AGBL4: variants seen among roughly 807,000 people sequenced by gnomAD.
AGBL4 encodes the protein AGBL carboxypeptidase 4.
A neutral mutation model predicts 66.4 loss-of-function variants in AGBL4; 58 were observed. That is an observed-to-expected ratio of 0.87 (90% CI 0.71 to 1.09). The LOEUF (loss-of-function observed/expected upper bound fraction) is 1.09. AGBL4 is among the 50% of genes least tolerant of loss of function. The probability of loss-of-function intolerance (pLI) is 0.00; values close to 1 mark genes in which losing one functional copy is unlikely to be tolerated. For synonymous variants in AGBL4, 234 were observed against 222.9 expected (o/e 1.05, Z -0.44); for missense variants, 579 against 631.0 (o/e 0.92, Z 0.88).
chr1:49,663,592 C>T (rs369999900), intron 3 of AGBL4, among the ~76,000 whole-genome samples: 36 of 152,134 alleles, frequency 2.4e-4, no homozygotes, highest in African/African-American at 8.7e-4. Flanking sequence ...TTGTGCTCAG[C>T]CACTGAAATA....
At chr1:49,577,954 A>G (rs1644468718) in intron 3 of AGBL4, among the ~76,000 whole-genome samples, 1 of 152,142 alleles carries the variant, frequency 6.6e-6, no homozygotes, top group African/African-American at 2.4e-5. Context: ...AGGGGTGGAT[A>G]TGGAAGTGGC....
At chr1:49,018,994 G>T (rs1421615682) in intron 5 of AGBL4, among the ~76,000 whole-genome samples, 1 of 152,088 alleles carries the variant, frequency 6.6e-6, no homozygotes, top group Non-Finnish European at 1.5e-5. Flanking sequence ...AAACGATTCT[G>T]GCTTCTCCGT....
At chr1:48,563,415 A>C (rs1378253679) in intron 11 of AGBL4, among the ~76,000 whole-genome samples, 5 of 152,174 alleles carry the variant, frequency 3.3e-5, no homozygotes, top group Admixed American at 2.6e-4. Context: ...TCATTTGTCT[A>C]ATCAGAACTG....
chr1:49,458,348 A>G (rs1646436039), intron 3 of AGBL4, among the ~76,000 whole-genome samples: 1 of 151,666 alleles, frequency 6.6e-6, no homozygotes, highest in South Asian at 2.1e-4. Flanking sequence ...TTTAATTCTC[A>G]GCTTGGTCAC....
At chr1:48,675,384 T>C (rs1646348673) in intron 6 of AGBL4, among the ~76,000 whole-genome samples, 1 of 152,242 alleles carries the variant, frequency 6.6e-6, no homozygotes, top group African/African-American at 2.4e-5. Flanking sequence ...GCTAATGTTT[T>C]TTTAAGAAGT....
chr1:49,944,811 C>T (rs764816256), intron 1 of AGBL4, among the ~76,000 whole-genome samples: 5 of 151,396 alleles, frequency 3.3e-5, no homozygotes, highest in Admixed American at 6.6e-5. Flanking sequence ...CCAAAAAAAA[C>T]AATCATACAA....
At chr1:49,530,273 C>CAAAAAAAAAAAAAAAAAA (rs1171374859) in intron 3 of AGBL4, among the ~76,000 whole-genome samples, 1 of 111,928 alleles carries the variant, frequency 8.9e-6, no homozygotes, top group Non-Finnish European at 1.7e-5. Context: ...AAAAAAAAAA[C>CAAAAAAAAAAAAAAAAAA]AAAAAAAAAC....
At chr1:49,522,639 T>C (rs1484710837) in intron 3 of AGBL4, among the ~76,000 whole-genome samples, 1 of 152,158 alleles carries the variant, frequency 6.6e-6, no homozygotes, top group Non-Finnish European at 1.5e-5. Context: ...CTGGCTTTTA[T>C]TTCAAATTTT....
At chr1:48,953,553 G>C (rs1458513483) in intron 5 of AGBL4, among the ~76,000 whole-genome samples, 1 of 152,170 alleles carries the variant, frequency 6.6e-6, no homozygotes, top group Non-Finnish European at 1.5e-5. Flanking sequence ...TCATGAAGAA[G>C]AGTATTCAAA....
chr1:49,801,356 C>A (rs1431298855), intron 2 of AGBL4, among the ~76,000 whole-genome samples: 1 of 152,146 alleles, frequency 6.6e-6, no homozygotes, highest in Non-Finnish European at 1.5e-5. Flanking sequence ...GAGATTACAG[C>A]CCTAGCCAAC....
At chr1:49,763,354 A>G (rs1010030256) in intron 2 of AGBL4, among the ~76,000 whole-genome samples, 29 of 152,204 alleles carry the variant, frequency 1.9e-4, no homozygotes, top group African/African-American at 7.0e-4. Flanking sequence ...TTCACTGTCC[A>G]AGGTACTGTG....
chr1:48,654,738 C>A (rs1645991101), intron 7 of AGBL4, among the ~76,000 whole-genome samples: 1 of 152,250 alleles, frequency 6.6e-6, no homozygotes, highest in Admixed American at 6.5e-5. Context: ...CATTCCAGAG[C>A]TGCTGTGACC....
intron 2 of AGBL4, among the ~76,000 whole-genome samples, chr1:49,747,263 T>G (rs1233055224): frequency 3.9e-5 from 6 of 152,164 alleles, no homozygotes; most frequent in African/African-American, 1.4e-4. Flanking sequence ...ATGACTGTCC[T>G]TTGCTCATTG....
At chr1:49,822,774 G>C (rs1645403943) in intron 2 of AGBL4, among the ~76,000 whole-genome samples, 1 of 152,116 alleles carries the variant, frequency 6.6e-6, no homozygotes, top group South Asian at 2.1e-4. Context: ...TAGTCTACAA[G>C]CATATGACTT....
chr1:48,737,441 C>G (rs535018141), intron 6 of AGBL4, among the ~76,000 whole-genome samples: 1 of 152,184 alleles, frequency 6.6e-6, no homozygotes, highest in South Asian at 2.1e-4. Flanking sequence ...AGAGCAGCTG[C>G]CCTGCCAATT....
chr1:49,531,614 G>T (rs1047705367), intron 3 of AGBL4, among the ~76,000 whole-genome samples: 1 of 152,000 alleles, frequency 6.6e-6, no homozygotes, highest in African/African-American at 2.4e-5. Flanking sequence ...ATATCATATT[G>T]TCATCATATT....
chr1:49,099,656 AATTT>A (rs1276520310), intron 4 of AGBL4, among the ~76,000 whole-genome samples: 1 of 152,080 alleles, frequency 6.6e-6, no homozygotes, highest in African/African-American at 2.4e-5. Context: ...TCCATACTAT[AATTT>A]ATTTGTGTAA....
At chr1:48,632,149 C>T (rs1181979174) in intron 9 of AGBL4, among the ~76,000 whole-genome samples, 1 of 151,990 alleles carries the variant, frequency 6.6e-6, no homozygotes, top group Non-Finnish European at 1.5e-5. Context: ...ACTGAGGGAG[C>T]GGGGATGCTA....
intron 3 of AGBL4, among the ~76,000 whole-genome samples, chr1:49,624,788 T>C (rs567515679): frequency 1.3e-5 from 2 of 152,304 alleles, no homozygotes; most frequent in East Asian, 1.9e-4. Flanking sequence ...CGTCTAGAAA[T>C]ACACGCATCT....
Sources: allele counts gnomAD v4.1 joint callset (sites outside exome capture counted in the v4.1 genomes callset), GRCh38; gene constraint gnomAD v4.1.1; transcripts MANE v1.5; gene names NCBI Gene and HGNC (gene_info 2026-07-23, HGNC 2026-07-21).